Variants in VPS41 observed in about 807,000 individuals in gnomAD.
VPS41 encodes the protein vacuolar protein sorting-associated protein 41 homolog.
Under a neutral mutation model 130.9 loss-of-function variants are expected in VPS41, and 85 were observed. That is an observed-to-expected ratio of 0.65 (90% CI 0.55 to 0.78). The LOEUF (loss-of-function observed/expected upper bound fraction) is 0.78. Among genes scored for constraint, VPS41 ranks in the 30% least tolerant of loss-of-function variants. VPS41 has a pLI of 0.00. For missense variants in VPS41, 874 were observed against 1,018.7 expected, an observed-to-expected ratio of 0.86 and a Z score of 1.93; for synonymous variants, 335 against 332.9, an observed-to-expected ratio of 1.01 and a Z score of -0.07.
intron 17 of VPS41, among the ~76,000 whole-genome samples, 166 bp downstream of exon 17, chr7:38,763,289 T>G (rs1783959988): frequency 6.6e-6 from 1 of 152,210 alleles, no homozygotes; most frequent in East Asian, 1.9e-4. Flanking sequence ...TTTCACTGTC[T>G]ACATAAACAT....
chr7:38,772,520 A>G lies in VPS41; in HGVS notation c.1128+2T>C. On this transcript the variant is annotated splice_donor_variant, in intron 13 of 28. Transcript: ENST00000310301. LOFTEE classifies it high-confidence loss of function. ...CTTTCAAAGAAGTAAAATCAAGGGT[A>G]CTTCATATTTCTTCTTTTCAAGGAG... is the stretch of plus-strand genomic sequence containing the variant. 1 of 1,532,196 alleles carries G rather than the reference A, an allele frequency of 6.5e-7. No homozygotes were observed. The highest frequency in any genetic ancestry group is 9.0e-7 in the Non-Finnish European group (1 of 1,105,880). 94.9% of individuals were successfully genotyped at this position (1,532,196 alleles called of 1,614,324 possible).
At chr7:38,764,949 A>G (rs1295834625) in intron 16 of VPS41, among the ~76,000 whole-genome samples, 3 of 152,190 alleles carry the variant, frequency 2.0e-5, no homozygotes, top group Non-Finnish European at 4.4e-5. Flanking sequence ...TGAGAAGTGT[A>G]ACATTTACAG....
At chr7:38,796,498 G>T (rs1417212439) in intron 8 of VPS41, 1 of 602,916 alleles carries the variant, frequency 1.7e-6, no homozygotes, top group South Asian at 1.5e-5. Context: ...CATTTTCTTG[G>T]CTACTCTCCA....
chr7:38,774,273 T>C (rs1019750833), intron 11 of VPS41, 29 bp from the exon 12 acceptor site: 7 of 1,551,400 alleles, frequency 4.5e-6, no homozygotes, highest in South Asian at 1.2e-5. Flanking sequence ...GAAACATTAA[T>C]TTAAATTACA....
At position 38,723,384 on chromosome 7, in the gene VPS41, TA is replaced by T. The variant is rs963727387; in HGVS notation, c.*2861del. ...CCTTTGGCTAAAAACAAAAGCAAAC[TA>T]AAGTACTCCAAAATAATTTTGCACC... On this transcript the variant is annotated 3_prime_UTR_variant, in exon 29 of 29. Transcript: ENST00000310301. The T allele has an allele frequency of 4.6e-5, 7 of 152,138 alleles. No individual in the cohort carries two copies. The highest frequency in any genetic ancestry group is 1.7e-4 in the African/African-American group (7 of 41,436). The allele number at this position is 152,138 out of a possible 1,614,324, so 9.4% of individuals were successfully genotyped here.
chr7:38,752,980 A>G (rs577516799), intron 21 of VPS41, among the ~76,000 whole-genome samples: 6 of 152,334 alleles, frequency 3.9e-5, no homozygotes, highest in Non-Finnish European at 8.8e-5. Context: ...ACAGTTTTCA[A>G]AACTGATTCC....
chr7:38,903,576 T>C (rs1787190767), intron 1 of VPS41, among the ~76,000 whole-genome samples: 1 of 152,240 alleles, frequency 6.6e-6, no homozygotes, highest in Middle Eastern at 3.4e-3. Context: ...TGCCTGGAGG[T>C]ACATGTGAAC....
intron 25 of VPS41, among the ~76,000 whole-genome samples, chr7:38,732,207 T>C (rs903937409): frequency 1.3e-5 from 2 of 152,172 alleles, no homozygotes; most frequent in South Asian, 4.2e-4. Flanking sequence ...TGTTAATGCA[T>C]GCTGAGGTTA....
chr7:38,754,555 T>C, intron 21 of VPS41, 147 bp downstream of exon 21: 1 of 648,994 alleles, frequency 1.5e-6, no homozygotes, highest in Non-Finnish European at 2.7e-6. Flanking sequence ...TTTTGGTAAT[T>C]ACAGAACATT....
At chr7:38,900,200 T>C (rs1414914317) in intron 1 of VPS41, among the ~76,000 whole-genome samples, 1 of 152,146 alleles carries the variant, frequency 6.6e-6, no homozygotes, top group Non-Finnish European at 1.5e-5. Context: ...AAGGCTGCAG[T>C]GAGCTGTGAT....
intron 2 of VPS41, among the ~76,000 whole-genome samples, chr7:38,880,956 C>T (rs6947695): frequency 0.93 from 141,956 of 152,272 alleles, 66,322 homozygotes; most frequent in East Asian, 1. Context: ...TCTGTATGTT[C>T]TCCTTGCTGG....
At chr7:38,897,686 T>C (rs1787038064) in intron 2 of VPS41, among the ~76,000 whole-genome samples, 1 of 150,684 alleles carries the variant, frequency 6.6e-6, no homozygotes, top group East Asian at 1.9e-4. Flanking sequence ...ATTTCAATGA[T>C]TCAAAAATTA....
At chr7:38,752,154 A>G in intron 22 of VPS41, 22 bp downstream of exon 22, 1 of 1,613,336 alleles carries the variant, frequency 6.2e-7, no homozygotes, top group Non-Finnish European at 8.5e-7. Flanking sequence ...AAAGTGTACA[A>G]GTCGGGGAGT....
intron 4 of VPS41, among the ~76,000 whole-genome samples, chr7:38,852,180 G>A (rs1247509843): frequency 6.6e-6 from 1 of 152,106 alleles, no homozygotes; most frequent in African/African-American, 2.4e-5. Context: ...CTAAGAGCAG[G>A]ATGAATTAAG....
intron 2 of VPS41, among the ~76,000 whole-genome samples, chr7:38,871,144 C>G (rs1786349459): frequency 6.6e-6 from 1 of 152,218 alleles, no homozygotes; most frequent in East Asian, 1.9e-4. Context: ...GATAAGACAT[C>G]AACCTACAAA....
intron 1 of VPS41, among the ~76,000 whole-genome samples, chr7:38,906,327 G>A (rs552252520): frequency 7.2e-6 from 1 of 139,236 alleles, no homozygotes; most frequent in Non-Finnish European, 1.7e-5. Context: ...ACAACAGACT[G>A]CTGGGTTTTT....
intron 2 of VPS41, among the ~76,000 whole-genome samples, chr7:38,887,823 C>T (rs1254710973): frequency 6.6e-6 from 1 of 152,196 alleles, no homozygotes; most frequent in Non-Finnish European, 1.5e-5. Flanking sequence ...AGACTGACAG[C>T]AGGTCTCTCT....
chr7:38,883,711 G>A (rs1290257283), intron 2 of VPS41, among the ~76,000 whole-genome samples: 1 of 152,106 alleles, frequency 6.6e-6, no homozygotes, highest in African/African-American at 2.4e-5. Context: ...CTTCTAGGTA[G>A]TGAAATTATA....
chr7:38,878,102 A>T (rs774152370), intron 2 of VPS41, among the ~76,000 whole-genome samples: 17 of 152,220 alleles, frequency 1.1e-4, no homozygotes, highest in Non-Finnish European at 1.9e-4. Flanking sequence ...ATGGTCTGGG[A>T]GTCCAGCCTT....
Sources: gnomAD v4.1 joint callset for allele counts (sites outside exome capture counted in the v4.1 genomes callset) on GRCh38, gnomAD v4.1.1 for gene constraint, MANE v1.5 for transcripts, NCBI Gene and HGNC (gene_info 2026-07-23, HGNC 2026-07-21) for gene names.